The following BANP variants were observed in gnomAD, a reference collection of about 807,000 sequenced individuals.
The protein encoded by BANP is BTG3 associated nuclear protein, also known as protein BANP.
Under a neutral mutation model 68.1 loss-of-function variants are expected in BANP, and 11 were observed. That is an observed-to-expected ratio of 0.16 (90% CI 0.10 to 0.27). BANP has a LOEUF of 0.27. Among genes scored for constraint, BANP ranks in the 10% least tolerant of loss-of-function variants. The probability of loss-of-function intolerance (pLI) is 1.00; values close to 1 mark genes in which losing one functional copy is unlikely to be tolerated. For synonymous variants in BANP, 329 were observed against 303.2 expected (o/e 1.09, Z -0.88); for missense variants, 504 against 722.7 (o/e 0.70, Z 3.47).
rs532156488 is a variant in BANP at position 88,002,720 on chromosome 16, A to G, written c.363-1575A>G. Among the ~76,000 whole-genome samples the G allele has an allele frequency of 2.0e-5, 3 of 152,152 alleles. No individual in the cohort carries two copies. The highest frequency in any genetic ancestry group is 2.1e-4 in the South Asian group (1 of 4,800). Reference sequence around the variant, plus strand: ...TTCACCTTAATAAGGATCTTCAAGGAAAAAAAAGGTATATTTGGTCAAATG... The same window carrying G: ...TTCACCTTAATAAGGATCTTCAAGGGAAAAAAAGGTATATTTGGTCAAATG... On this transcript the variant is annotated intron_variant, in intron 4 of 13. Transcript: ENST00000682872. The surrounding 1 kb of genome is among the most constrained non-coding windows in gnomAD (Gnocchi z 4.6).
intron 8 of BANP, among the ~76,000 whole-genome samples, chr16:88,030,900 G>A (rs1023810259): frequency 3.3e-5 from 5 of 152,190 alleles, no homozygotes; most frequent in Non-Finnish European, 5.9e-5. Context: ...TTGGGGAAAC[G>A]GTTAGAAATG....
At position 88,036,609 on chromosome 16, in the gene BANP, G is replaced by C. The variant is rs2079425871; in HGVS notation, c.1272+1215G>C. 2.0e-5 allele frequency among the ~76,000 whole-genome samples: 3 copies of C among 152,288 alleles called. No individual in the cohort carries two copies. The highest frequency in any genetic ancestry group is 1.9e-4 in the East Asian group (1 of 5,176). ...CCTGAGAGGGGAGCACATGCGTAAG[G>C]GTTCTGAGGGCGGAATGAGGATGAG... is the stretch of plus-strand genomic sequence containing the variant. On this transcript the variant is annotated intron_variant, in intron 10 of 13. Transcript: ENST00000682872. This position sits in a 1 kb window ranked among gnomAD's most constrained non-coding sequence, Gnocchi z 4.2.
chr16:87,990,800 T>C (rs138706989), intron 4 of BANP, among the ~76,000 whole-genome samples: 1,960 of 152,286 alleles, frequency 0.013, 34 homozygotes, highest in African/African-American at 0.043. Flanking sequence ...TCTCCCTCTG[T>C]CGCCCAGGCT....
Position 87,954,320 on chromosome 16 carries a change from C to G in BANP, c.-69+2805C>G, listed in dbSNP as rs372333173. ...ACACAAGTGCCTCATCTCCATGACT[C>G]TAAGGAAACTAATAAGGATTCTTCC... On this transcript the variant is annotated intron_variant, in intron 1 of 13. Coordinates refer to ENST00000682872, the MANE Select transcript of BANP (RefSeq NM_001386991.1). Among the ~76,000 whole-genome samples the G allele has an allele frequency of 7.2e-5, 11 of 152,180 alleles. No homozygotes were observed. In the East Asian group the frequency reaches 1.9e-3, roughly 27 times the overall value.
chr16:87,999,866 G>A (rs2068650987), intron 4 of BANP, among the ~76,000 whole-genome samples: 1 of 50,140 alleles, frequency 2.0e-5, no homozygotes, highest in African/African-American at 9.1e-5. Context: ...CTCCATGCAC[G>A]CACGTGCACG....
intron 7 of BANP, among the ~76,000 whole-genome samples, chr16:88,024,051 T>C (rs1233533466): frequency 6.6e-6 from 1 of 152,210 alleles, no homozygotes; most frequent in African/African-American, 2.4e-5. Flanking sequence ...CCTTGTGTCC[T>C]GGGCGCTGCT....
intron 1 of BANP, among the ~76,000 whole-genome samples, chr16:87,971,023 A>G (rs2061012817): frequency 6.6e-6 from 1 of 151,856 alleles, no homozygotes; most frequent in South Asian, 2.1e-4. Flanking sequence ...TCTCAAAAAA[A>G]AAAAAAAGAA....
intron 6 of BANP, among the ~76,000 whole-genome samples, chr16:88,013,832 C>T (rs1175182498): frequency 6.6e-6 from 1 of 152,226 alleles, no homozygotes; most frequent in African/African-American, 2.4e-5. Flanking sequence ...GGTCTGAGAA[C>T]ATGCCTGAAA....
rs1459354243 is a variant in BANP at position 88,072,052 on chromosome 16, C to T, written c.1378-17C>T. The T allele has an allele frequency of 3.9e-6, 6 of 1,557,994 alleles. No individual in the cohort carries two copies. The highest frequency in any genetic ancestry group is 3.9e-5 in the Admixed American group (2 of 51,572). ...GTGGGCCACGCCGCTGACGGGCCCC[C>T]GTGTGTCTCCCTCCAGGTGCTGCAG... On this transcript the variant is annotated splice_polypyrimidine_tract_variant and intron_variant, in intron 12 of 13. Coordinates refer to ENST00000682872, the MANE Select transcript of BANP (RefSeq NM_001386991.1).
intron 7 of BANP, among the ~76,000 whole-genome samples, chr16:88,020,947 T>C (rs1039837549): frequency 6.6e-6 from 1 of 152,168 alleles, no homozygotes; most frequent in Non-Finnish European, 1.5e-5. Flanking sequence ...GTGTCTGTAT[T>C]CAGGGAGTCC....
At chr16:87,989,534 G>GTTTTTTCAGTTTTGGGTCATTGATATTC (rs2065332191) in intron 4 of BANP, among the ~76,000 whole-genome samples, 1 of 118,330 alleles carries the variant, frequency 8.5e-6, no homozygotes, top group Non-Finnish European at 2.0e-5. Flanking sequence ...AGTGTTGCCC[G>GTTTTTTCAGTTTTGGGTCATTGATATTC]TCAGGGGATG....
At chr16:87,992,682 T>C (rs182907048) in intron 4 of BANP, among the ~76,000 whole-genome samples, 151 of 151,850 alleles carry the variant, frequency 9.9e-4, no homozygotes, top group African/African-American at 3.6e-3. Flanking sequence ...TAGTCTCAGC[T>C]ACTCAGGAGG....
At chr16:88,009,788 A>G (rs556357548) in intron 6 of BANP, among the ~76,000 whole-genome samples, 58 of 152,054 alleles carry the variant, frequency 3.8e-4, no homozygotes, top group Admixed American at 1.7e-3. Context: ...ACTCTCAGCT[A>G]TTGAAAGCAG....
intron 4 of BANP, among the ~76,000 whole-genome samples, chr16:87,986,828 G>T (rs2064561008): frequency 1.3e-5 from 2 of 152,142 alleles, no homozygotes; most frequent in South Asian, 4.1e-4. Context: ...GCACAATCCA[G>T]TTAACCCAGA....
chr16:87,974,555 G>T (rs1009359994), intron 1 of BANP, among the ~76,000 whole-genome samples: 2 of 152,218 alleles, frequency 1.3e-5, no homozygotes, highest in Non-Finnish European at 2.9e-5. Context: ...CTAGATGGAT[G>T]CGTGCAGCTG....
intron 7 of BANP, 38 bp from the exon 8 acceptor site, chr16:88,027,445 A>G (rs1420075297): frequency 6.2e-7 from 1 of 1,610,920 alleles, no homozygotes; most frequent in East Asian, 2.2e-5. Context: ...GCTGTCCCGA[A>G]CAGGCCTCAC....
chr16:88,034,205 T>G (rs536343265), intron 9 of BANP, among the ~76,000 whole-genome samples: 51 of 152,358 alleles, frequency 3.3e-4, no homozygotes, highest in African/African-American at 1.1e-3. Context: ...GAGACAGTTA[T>G]GAATAGTGAA....
In BANP at chr16:87,957,517, G is replaced by A. The variant is rs1444878630; in HGVS notation, c.-69+6002G>A. Among the ~76,000 whole-genome samples, 3 of 152,238 alleles carry A rather than the reference G, an allele frequency of 2.0e-5. No individual in the cohort carries two copies. The highest frequency in any genetic ancestry group is 4.4e-5 in the Non-Finnish European group (3 of 68,048). On this transcript the variant is annotated intron_variant, in intron 1 of 13. Coordinates refer to ENST00000682872, the MANE Select transcript of BANP (RefSeq NM_001386991.1). The surrounding 1 kb of genome is among the most constrained non-coding windows in gnomAD (Gnocchi z 4.3). ...TGGGGCGGTTTTGAGGCAAGCTCAC[G>A]GAGGCCTGCCGCAGGGCCCTGCGCT...
rs775802650 is a variant in BANP, at chr16:88,063,284, C to T, written c.1312-1983C>T. 1.3e-5 allele frequency among the ~76,000 whole-genome samples: 2 copies of T among 152,260 alleles called. 1 individual carries two copies. The highest frequency in any genetic ancestry group is 1.3e-4 in the Admixed American group (2 of 15,288). ...TTTCGCCTCTCAGCCCTCCCCTCCC[C>T]TCCCCGGTGTGGATGCTTTCTGCCC... On this transcript the variant is annotated intron_variant, in intron 11 of 13. Coordinates refer to ENST00000682872, the MANE Select transcript of BANP (RefSeq NM_001386991.1).
Sources: allele counts gnomAD v4.1 joint callset (sites outside exome capture counted in the v4.1 genomes callset), GRCh38; gene constraint gnomAD v4.1.1; non-coding constraint Gnocchi (gnomAD v3.1); transcripts MANE v1.5; gene names NCBI Gene and HGNC (gene_info 2026-07-23, HGNC 2026-07-21).